Variants in TBCA observed in about 807,000 individuals in gnomAD.
TBCA encodes tubulin folding cofactor A.
A neutral mutation model predicts 15.8 loss-of-function variants in TBCA; 6 were observed. That is an observed-to-expected ratio of 0.38 (90% CI 0.21 to 0.75). The LOEUF is 0.75. TBCA is among the 30% of genes least tolerant of loss of function. TBCA has a pLI of 0.46. For missense variants in TBCA, 90 were observed against 131.2 expected, an observed-to-expected ratio of 0.69 and a Z score of 1.53; for synonymous variants, 32 against 42.3, an observed-to-expected ratio of 0.76 and a Z score of 0.94.
intron 3 of TBCA, 130 bp from the exon 4 acceptor site, chr5:77,691,628 T>C (rs1221945021): frequency 7.1e-7 from 1 of 1,412,124 alleles, no homozygotes; most frequent in African/African-American, 1.5e-5. Context: ...AAGCCTCATC[T>C]AAATATATTG....
rs1748030012 is a variant in TBCA at position 77,776,312 on chromosome 5, G to T, written c.-55C>A. The T allele has an allele frequency of 1.3e-6, 2 of 1,549,510 alleles. No individual in the cohort carries two copies. Among genetic ancestry groups the T allele is most frequent in the African/African-American group, 1.4e-5 (1 of 73,054 alleles). On this transcript the variant is annotated 5_prime_UTR_variant, in exon 1 of 4. Transcript: ENST00000380377. ...CGGAGAGCCGGGGTAACCGTGGAGG[G>T]CGACGCGCAGAGGCTGCGGCTATTT...
In TBCA at chr5:77,776,328, G is replaced by A. The variant is rs1209127452; in HGVS notation, c.-71C>T. Reference sequence around the variant, plus strand: ...CCGTGGAGGGCGACGCGCAGAGGCTGCGGCTATTTAGGCGTGGTCGCCGGC... The same window carrying A: ...CCGTGGAGGGCGACGCGCAGAGGCTACGGCTATTTAGGCGTGGTCGCCGGC... On this transcript the variant is annotated 5_prime_UTR_variant, in exon 1 of 4. Transcript: ENST00000380377. The A allele has an allele frequency of 3.9e-5, 60 of 1,536,978 alleles. No homozygotes were observed. In the East Asian group the frequency reaches 1.3e-3, roughly 35 times the overall value.
At chr5:77,776,131 G>A in intron 1 of TBCA, 74 bp downstream of exon 1, 7 of 1,537,238 alleles carry the variant, frequency 4.6e-6, no homozygotes, top group Non-Finnish European at 5.3e-6. Context: ...CCTCGGGCCT[G>A]CGCTCCGCTC....
At chr5:77,754,337 A>G (rs529659102) in intron 1 of TBCA, among the ~76,000 whole-genome samples, 1 of 152,306 alleles carries the variant, frequency 6.6e-6, no homozygotes, top group Admixed American at 6.5e-5. Flanking sequence ...TAACCTTTAA[A>G]TAAGCTTTGA....
At chr5:77,745,389 T>A (rs1747162994) in intron 1 of TBCA, among the ~76,000 whole-genome samples, 1 of 152,252 alleles carries the variant, frequency 6.6e-6, no homozygotes, top group Non-Finnish European at 1.5e-5. Flanking sequence ...AATATTTATT[T>A]GTAATTCAAA....
At chr5:77,711,457 T>C (rs1257422042) in intron 1 of TBCA, among the ~76,000 whole-genome samples, 2 of 152,156 alleles carry the variant, frequency 1.3e-5, no homozygotes, top group Non-Finnish European at 2.9e-5. Flanking sequence ...TTAAGTTCCT[T>C]GAAGAGAGGA....
intron 2 of TBCA, among the ~76,000 whole-genome samples, chr5:77,694,729 T>C (rs992193733): frequency 3.9e-5 from 6 of 152,180 alleles, no homozygotes; most frequent in African/African-American, 1.4e-4. Flanking sequence ...ATAGAAACTT[T>C]AAGTCCCAGT....
chr5:77,698,174 A>G (rs1745915879), intron 2 of TBCA, among the ~76,000 whole-genome samples: 1 of 152,106 alleles, frequency 6.6e-6, no homozygotes. Context: ...GAAAAGAAAA[A>G]AAAAAAAACA....
intron 2 of TBCA, among the ~76,000 whole-genome samples, chr5:77,700,965 T>C (rs1745998070): frequency 6.6e-6 from 1 of 151,892 alleles, no homozygotes; most frequent in African/African-American, 2.4e-5. Flanking sequence ...ACCATGAAAA[T>C]GGAAGATAAC....
At chr5:77,727,468 G>C (rs1746655332) in intron 1 of TBCA, among the ~76,000 whole-genome samples, 1 of 152,044 alleles carries the variant, frequency 6.6e-6, no homozygotes, top group Admixed American at 6.6e-5. Flanking sequence ...TCTTTTTAAA[G>C]AGTTATAGGA....
intron 1 of TBCA, among the ~76,000 whole-genome samples, chr5:77,762,946 G>A (rs2112509741): frequency 6.6e-6 from 1 of 152,148 alleles, no homozygotes; most frequent in South Asian, 2.1e-4. Flanking sequence ...GGAGACGCTT[G>A]TTTAAAAAGA....
intron 1 of TBCA, among the ~76,000 whole-genome samples, chr5:77,765,028 TCAATGTA>T (rs1279228535): frequency 3.9e-5 from 6 of 152,102 alleles, no homozygotes; most frequent in Admixed American, 3.9e-4. Context: ...AATAACAAAA[TCAATGTA>T]CAATGTTAGC....
chr5:77,706,136 A>G (rs535219636), intron 2 of TBCA, among the ~76,000 whole-genome samples: 1 of 152,360 alleles, frequency 6.6e-6, no homozygotes, highest in East Asian at 1.9e-4. Context: ...ATTTTGCTGA[A>G]TAAAGCCTGA....
chr5:77,707,589 C>T (rs1746178467), intron 2 of TBCA, among the ~76,000 whole-genome samples: 2 of 152,040 alleles, frequency 1.3e-5, no homozygotes, highest in South Asian at 2.1e-4. Context: ...CAGATGTAAC[C>T]TCATTTCTTG....
At position 77,703,291 on chromosome 5, in the gene TBCA, G is replaced by C. The variant is rs918899205; in HGVS notation, c.159+4951C>G. On this transcript the variant is annotated intron_variant, in intron 2 of 3. Transcript: ENST00000380377. ...GCCTCAGGAGAAATGACAGAGATAT[G>C]TCTGACTGAGTGTCATTACTGCCAA... Among the ~76,000 whole-genome samples, 136 of 128,072 alleles carry C rather than the reference G, an allele frequency of 1.1e-3. 1 individual carries two copies. The highest frequency in any genetic ancestry group is 2.0e-3 in the Non-Finnish European group (116 of 57,486). 84.0% of individuals were successfully genotyped at this position (128,072 alleles called of 152,430 possible).
chr5:77,726,480 A>G (rs1746633159), intron 1 of TBCA, among the ~76,000 whole-genome samples: 3 of 152,218 alleles, frequency 2.0e-5, no homozygotes, highest in Non-Finnish European at 4.4e-5. Flanking sequence ...CAATTACTTA[A>G]CACATGCTTC....
chr5:77,738,682 A>G (rs893960572), intron 1 of TBCA, among the ~76,000 whole-genome samples: 1 of 152,202 alleles, frequency 6.6e-6, no homozygotes, highest in Non-Finnish European at 1.5e-5. Flanking sequence ...TCTGGAGTTC[A>G]AGAAATTCTC....
chr5:77,711,892 T>C (rs1746285529), intron 1 of TBCA, among the ~76,000 whole-genome samples: 2 of 152,098 alleles, frequency 1.3e-5, no homozygotes, highest in Non-Finnish European at 1.5e-5. Flanking sequence ...AAATACAAGT[T>C]ACGTTTTTGC....
intron 1 of TBCA, among the ~76,000 whole-genome samples, chr5:77,734,439 G>A (rs1452316710): frequency 6.6e-6 from 1 of 152,150 alleles, no homozygotes; most frequent in Admixed American, 6.5e-5. Context: ...AAGAGTTTGG[G>A]GGAAGTTGAT....
Sources: gnomAD v4.1 joint callset for allele counts (sites outside exome capture counted in the v4.1 genomes callset) on GRCh38, gnomAD v4.1.1 for gene constraint, MANE v1.5 for transcripts, NCBI Gene and HGNC (gene_info 2026-07-23, HGNC 2026-07-21) for gene names.